The following STOX2 variants were observed in gnomAD, a reference collection of about 807,000 sequenced individuals.
STOX2 encodes storkhead-box protein 2.
Under a neutral mutation model 60.9 loss-of-function variants are expected in STOX2, and 28 were observed. That is an observed-to-expected ratio of 0.46 (90% CI 0.34 to 0.63). STOX2 has a LOEUF of 0.63. Among genes scored for constraint, STOX2 ranks in the 30% least tolerant of loss-of-function variants. STOX2 has a pLI of 0.01. For synonymous variants in STOX2, 472 were observed against 463.9 expected (o/e 1.02, Z -0.22); for missense variants, 1,024 against 1,187.7 (o/e 0.86, Z 2.03).
rs1437054022 is a variant in STOX2 at position 183,974,147 on chromosome 4, TATTA to T, written c.167-27174_167-27171del. 2.0e-4 allele frequency among the ~76,000 whole-genome samples: 30 copies of T among 152,276 alleles called. No individual in the cohort carries two copies. In the East Asian group the frequency reaches 5.8e-3, roughly 29 times the overall value. On this transcript the variant is annotated intron_variant, in intron 1 of 3. Coordinates refer to ENST00000308497, the MANE Select transcript of STOX2 (RefSeq NM_020225.3). ...AGATTTACCACTTGAAGTAGTAAAA[TATTA>T]ATTCTAAGTAGACTGTGAAAAGTTA... is the stretch of plus-strand genomic sequence containing the variant.
chr4:184,004,461 T>G (rs7694352), intron 2 of STOX2, among the ~76,000 whole-genome samples: 4,072 of 151,746 alleles, frequency 0.027, 63 homozygotes, highest in Admixed American at 0.062. Context: ...TTAGCCGGGC[T>G]TGGTGGCGGG....
At chr4:183,799,642 T>A (rs1738715577) in intron 1 of STOX2, among the ~76,000 whole-genome samples, 1 of 114,516 alleles carries the variant, frequency 8.7e-6, no homozygotes, top group African/African-American at 3.0e-5. Flanking sequence ...ACTGCATTTA[T>A]ACCCCCATCT....
chr4:183,877,845 T>C (rs1740866951), intron 1 of STOX2, among the ~76,000 whole-genome samples: 1 of 152,052 alleles, frequency 6.6e-6, no homozygotes, highest in Non-Finnish European at 1.5e-5. Context: ...CACACCTGAC[T>C]AATTTTTTTT....
At position 183,896,157 on chromosome 4, in the gene STOX2, G is replaced by T. The variant is rs148198864; in HGVS notation, c.364+98102G>T. On this transcript the variant is annotated intron_variant, in intron 1 of 2. Transcript: ENST00000513034. ...TTGATGATTCAATGAGTCAGCAGGA[G>T]AAAATGCGAGAACTTGGGTATTTAT... Among the ~76,000 whole-genome samples the T allele has an allele frequency of 1.4e-3, 218 of 152,312 alleles. 1 individual carries two copies. The highest frequency in any genetic ancestry group is 4.9e-3 in the African/African-American group (203 of 41,558).
intron 1 of STOX2, among the ~76,000 whole-genome samples, chr4:183,842,766 C>A (rs1302358315): frequency 6.6e-6 from 1 of 151,798 alleles, no homozygotes; most frequent in Non-Finnish European, 1.5e-5. Context: ...CATATATGGC[C>A]TTTGAAACTT....
At chr4:184,012,882 C>T (rs943257075) in intron 3 of STOX2, among the ~76,000 whole-genome samples, 2 of 152,008 alleles carry the variant, frequency 1.3e-5, no homozygotes, top group Non-Finnish European at 2.9e-5. Flanking sequence ...TTTAACTATC[C>T]TTTTTTTTCT....
intron 1 of STOX2, among the ~76,000 whole-genome samples, chr4:183,914,386 C>G (rs1041956266): frequency 6.6e-6 from 1 of 151,962 alleles, no homozygotes; most frequent in Non-Finnish European, 1.5e-5. Context: ...CTCAGCGAGC[C>G]GAGATTGTGC....
Position 183,856,215 on chromosome 4 carries a change from A to G in STOX2, c.364+58160A>G, listed in dbSNP as rs933225910. Among the ~76,000 whole-genome samples, 7 of 152,180 alleles carry G rather than the reference A, an allele frequency of 4.6e-5. No individual in the cohort carries two copies. The highest frequency in any genetic ancestry group is 1.7e-4 in the African/African-American group (7 of 41,438). ...AATCATTTATCAGATAGGACCCAAG[A>G]GTCCAGAAAGGCTCACGGCCCCTTT... is the stretch of plus-strand genomic sequence containing the variant. On this transcript the variant is annotated intron_variant, in intron 1 of 2. Coordinates refer to the STOX2 transcript ENST00000513034. The surrounding 1 kb of genome is among the most constrained non-coding windows in gnomAD (Gnocchi z 4.0).
intron 1 of STOX2, among the ~76,000 whole-genome samples, chr4:183,997,477 C>T (rs1460560576): frequency 6.6e-6 from 1 of 152,138 alleles, no homozygotes; most frequent in Non-Finnish European, 1.5e-5. Flanking sequence ...GTAGGCAGTC[C>T]CTGGAGGATT....
intron 1 of STOX2, chr4:183,798,839 T>C (rs72693687): frequency 0.13 from 130,102 of 984,084 alleles, 9,169 homozygotes; most frequent in Non-Finnish European, 0.14. Flanking sequence ...TTCCCCTCCT[T>C]AATCCAGTTT....
Position 183,992,746 on chromosome 4 carries a change from C to T in STOX2, c.167-8579C>T, listed in dbSNP as rs181990881. The stretch of plus-strand genomic sequence containing the variant: ...TGAAGGACTGGAGCACAAGTGGCAG[C>T]TGGTGTTGGAAAACATCTTGTAAGG... On this transcript the variant is annotated intron_variant, in intron 1 of 3. Transcript: ENST00000308497. Among the ~76,000 whole-genome samples the T allele has an allele frequency of 7.2e-5, 11 of 152,328 alleles. No homozygotes were observed. The East Asian group carries it at 2.1e-3, about 29-fold the overall frequency.
chr4:183,817,630 T>C (rs1218905807), intron 1 of STOX2, among the ~76,000 whole-genome samples: 1 of 152,154 alleles, frequency 6.6e-6, no homozygotes, highest in Non-Finnish European at 1.5e-5. Context: ...AGCCACCAAT[T>C]TGATGACACT....
At chr4:183,951,444 CTTTTTTTTTT>C (rs1163579369) in intron 1 of STOX2, among the ~76,000 whole-genome samples, 23 of 66,498 alleles carry the variant, frequency 3.5e-4, no homozygotes, top group South Asian at 2.1e-3. Flanking sequence ...CTCTCTCTCT[CTTTTTTTTTT>C]TTTTTTTTTT....
At chr4:183,815,435 TACA>T (rs1397008985) in intron 1 of STOX2, among the ~76,000 whole-genome samples, 3 of 152,174 alleles carry the variant, frequency 2.0e-5, no homozygotes, top group East Asian at 3.8e-4. Flanking sequence ...TTATTTCAGT[TACA>T]ACATTGCTTT....
rs1560849179 is a variant in STOX2, at chr4:183,857,400, T to TG, written c.364+59345_364+59346insG. Among the ~76,000 whole-genome samples the TG allele has an allele frequency of 4.2e-3, 121 of 28,674 alleles. 1 individual carries two copies. Among genetic ancestry groups the TG allele is most frequent in the African/African-American group, 0.012 (117 of 9,534 alleles). The allele number at this position is 28,674 out of a possible 152,430, so 18.8% of individuals were successfully genotyped here. A position where few individuals can be genotyped will look rare whatever the true frequency, so the allele number is the denominator to read the frequency against. ...TGGTTATCCCGCAGGACTGGTTGCC[T>TG]CATAGGATTGGTCATCCCACAGGAC... On this transcript the variant is annotated intron_variant, in intron 1 of 2. Transcript: ENST00000513034.
intron 1 of STOX2, among the ~76,000 whole-genome samples, chr4:183,952,239 T>C (rs763393582): frequency 6.6e-6 from 1 of 152,258 alleles, no homozygotes; most frequent in Non-Finnish European, 1.5e-5. Context: ...TGGTTTGTTC[T>C]GCGTACTTTG....
chr4:183,851,362 A>AG (rs1440590406), intron 1 of STOX2, among the ~76,000 whole-genome samples: 15 of 91,160 alleles, frequency 1.6e-4, no homozygotes, highest in Non-Finnish European at 2.4e-5. Flanking sequence ...AGAAAGGATG[A>AG]GGGAAAGGAT....
intron 1 of STOX2, among the ~76,000 whole-genome samples, chr4:183,878,831 G>A (rs907529109): frequency 3.3e-5 from 5 of 152,096 alleles, no homozygotes; most frequent in Admixed American, 1.3e-4. Context: ...AGGATGGCCC[G>A]TAAGGGGTGA....
At chr4:183,842,235 T>C (rs1447774425) in intron 1 of STOX2, among the ~76,000 whole-genome samples, 3 of 152,228 alleles carry the variant, frequency 2.0e-5, no homozygotes, top group African/African-American at 7.2e-5. Flanking sequence ...CTTTTTTAGA[T>C]GGAACCTAGT....
Sources: gnomAD v4.1 joint callset for allele counts (sites outside exome capture counted in the v4.1 genomes callset) on GRCh38, gnomAD v4.1.1 for gene constraint, Gnocchi (gnomAD v3.1) non-coding constraint, MANE v1.5 for transcripts, NCBI Gene and HGNC (gene_info 2026-07-23, HGNC 2026-07-21) for gene names.